MTA2: variants seen among roughly 807,000 people sequenced by gnomAD.
MTA2 encodes metastasis associated 1 family member 2.
Under a neutral mutation model 87.1 loss-of-function variants are expected in MTA2, and 22 were observed. That is an observed-to-expected ratio of 0.25 (90% CI 0.18 to 0.36). MTA2 has a LOEUF of 0.36. Ranked by LOEUF, MTA2 falls within the 10% of genes least tolerant of loss-of-function variation. The pLI, the probability that MTA2 is intolerant of heterozygous loss-of-function variation, is 1.00. For missense variants in MTA2, 542 were observed against 853.2 expected (o/e 0.64, Z 4.54); for synonymous variants, 314 against 310.1 (o/e 1.01, Z -0.13).
At position 62,595,673 on chromosome 11, in the gene MTA2, T is replaced by C; in HGVS notation, c.1254+79A>G. The C allele has an allele frequency of 6.3e-7, 1 of 1,580,340 alleles. No homozygotes were observed. Among genetic ancestry groups the C allele is most frequent in the Middle Eastern group, 1.7e-4 (1 of 5,748 alleles). ...ATCAAACCATCACCATATAAAGAGTTGAATATTCTGGCCTTCACCTAAGCT... is the reference window on the plus strand; with the variant it reads ...ATCAAACCATCACCATATAAAGAGTCGAATATTCTGGCCTTCACCTAAGCT... On this transcript the variant is annotated intron_variant, in intron 13 of 17. Transcript: ENST00000278823. The surrounding 1 kb of genome is among the most constrained non-coding windows in gnomAD (Gnocchi z 4.9).
At position 62,597,301 on chromosome 11, in the gene MTA2, C is replaced by T; in HGVS notation, c.693+15G>A. 2 of 1,583,382 alleles carry T rather than the reference C, an allele frequency of 1.3e-6. No homozygotes were observed. The highest frequency in any genetic ancestry group is 1.7e-6 in the Non-Finnish European group (2 of 1,168,298). ...AAAACCCAGCCTGCCCAACTACCCA[C>T]CAACTTCTGCTCACCAGAGTGATAT... On this transcript the variant is annotated intron_variant, in intron 8 of 17. Coordinates refer to ENST00000278823, the MANE Select transcript of MTA2 (RefSeq NM_004739.4).
rs754663405 is a variant in MTA2 at position 62,598,691 on chromosome 11, C to T, written c.191-52G>A. The T allele has an allele frequency of 6.0e-6, 9 of 1,493,946 alleles. No homozygotes were observed. In the South Asian group the frequency reaches 8.0e-5, roughly 13 times the overall value. 92.5% of individuals were successfully genotyped at this position (1,493,946 alleles called of 1,614,324 possible). A position where few individuals can be genotyped will look rare whatever the true frequency, so the allele number is the denominator to read the frequency against. On this transcript the variant is annotated intron_variant, in intron 3 of 17. Transcript: ENST00000278823. ...AGTCAGAAATGGATCCAGCAAAACA[C>T]CACCCTGGAAACTCTAACTCAGGGA...
chr11:62,601,531 C>T lies in MTA2; in HGVS notation c.-81G>A, dbSNP rs1179446457. 1.3e-6 allele frequency: 2 copies of T among 1,511,054 alleles called. No homozygotes were observed. The highest frequency in any genetic ancestry group is 1.8e-6 in the Non-Finnish European group (2 of 1,123,978). The allele number at this position is 1,511,054 out of a possible 1,614,324, so 93.6% of individuals were successfully genotyped here. A position where few individuals can be genotyped will look rare whatever the true frequency, so the allele number is the denominator to read the frequency against. On this transcript the variant is annotated 5_prime_UTR_variant, in exon 1 of 18. Transcript: ENST00000278823. ...GCAGGGCTCGGCTCGAGGCAAAGCC[C>T]CGAACGGTGGGCTGCCGCTTCGAGG...
rs1218794966 is a variant in MTA2 at position 62,596,201 on chromosome 11, AC to A, written c.1016+77del. 1.6e-5 allele frequency: 26 copies of A among 1,588,244 alleles called. No individual in the cohort carries two copies. The East Asian group carries it at 5.8e-4, about 36-fold the overall frequency. ...CTCAGTGTGCCCCTACCTCCTGCCCACCCCCAATCACTGAGGAAGGCACAAG... is the reference window on the plus strand; with the variant it reads ...CTCAGTGTGCCCCTACCTCCTGCCCACCCCAATCACTGAGGAAGGCACAAG... On this transcript the variant is annotated intron_variant, in intron 11 of 17. Transcript: ENST00000278823.
In MTA2 at chr11:62,600,186, C is replaced by G. The variant is rs1189737361; in HGVS notation, c.170G>C (p.Ser57Thr). 1.9e-6 allele frequency: 3 copies of G among 1,613,986 alleles called. No individual in the cohort carries two copies. Among genetic ancestry groups the G allele is most frequent in the African/African-American group, 2.7e-5 (2 of 74,906 alleles). ...RRRDISSSLN[S>T]LADSNAREFE... is the part of the protein sequence containing the mutation. ...CTCACTGGCATTACTATCAGCCAGG[C>G]TGTTGAGGCTACTAGAAATGTCCCT... Residue 57 changes from serine to threonine, a missense_variant, in exon 3 of 18, where the codon AGC becomes ACC. Ser to Thr is a moderately conservative substitution (Grantham distance 58). This residue lies in a region of MTA2 where 150 missense variants were observed against 243.9 expected (regional missense o/e 0.62). Transcript: ENST00000278823.
chr11:62,598,329 C>T lies in MTA2; in HGVS notation c.370G>A (p.Glu124Lys). 1 of 1,614,072 alleles carries T rather than the reference C, an allele frequency of 6.2e-7. No individual in the cohort carries two copies. Among genetic ancestry groups the T allele is most frequent in the East Asian group, 2.2e-5 (1 of 44,886 alleles). Reference protein sequence around the residue: ...TDILSQYLEKEDCFFYSLVFD... With the variant: ...TDILSQYLEKKDCFFYSLVFD... ...TTCTCTCAACATCTCTTTCTCACCTCCTTTTCCAGGTACTGGCTCAAGATA... is the reference window on the plus strand; with the variant it reads ...TTCTCTCAACATCTCTTTCTCACCTTCTTTTCCAGGTACTGGCTCAAGATA... The change falls in exon 5 of 18, where the codon GAG (glutamate) becomes AAG (lysine). Residue 124 changes from glutamate (E) to lysine (K), a missense_variant and splice_region_variant. Physicochemically the swap from Glu to Lys is moderately conservative, Grantham distance 56. Coordinates refer to ENST00000278823, the MANE Select transcript of MTA2 (RefSeq NM_004739.4).
At position 62,601,794 on chromosome 11, in the gene MTA2, G is replaced by A. The variant is rs909711133; in HGVS notation, c.-344C>T. On this transcript the variant is annotated 5_prime_UTR_variant, in exon 1 of 18. Coordinates refer to ENST00000278823, the MANE Select transcript of MTA2 (RefSeq NM_004739.4). Reference sequence around the variant, plus strand: ...TTGGGCTCTGCCGGCCGCAGGGAAGGCTTGCCGGGCCCGCCTCAGGGTTCG... The same window carrying A: ...TTGGGCTCTGCCGGCCGCAGGGAAGACTTGCCGGGCCCGCCTCAGGGTTCG... The A allele has an allele frequency of 9.9e-6, 5 of 504,004 alleles. No individual in the cohort carries two copies. Among genetic ancestry groups the A allele is most frequent in the Admixed American group, 4.1e-5 (1 of 24,210 alleles). 31.2% of individuals were successfully genotyped at this position (504,004 alleles called of 1,614,324 possible).
At chr11:62,600,116 C>G (rs373180673) in intron 3 of MTA2, 50 bp downstream of exon 3, 11 of 1,534,766 alleles carry the variant, frequency 7.2e-6, no homozygotes, top group Middle Eastern at 3.4e-4. Context: ...GGGACATGCC[C>G]AGGCCTCAGA....
chr11:62,595,099 G>A lies in MTA2; in HGVS notation c.1484-29C>T, dbSNP rs1942079794. The A allele has an allele frequency of 2.5e-6, 4 of 1,607,514 alleles. No homozygotes were observed. Among genetic ancestry groups the A allele is most frequent in the East Asian group, 2.2e-5 (1 of 44,838 alleles). ...GAGAACAAAGAAGAAAGCTTCTGAA[G>A]GGCTTCACCATTCAGGTCTCCTCTA... On this transcript the variant is annotated intron_variant, in intron 14 of 17. Coordinates refer to ENST00000278823, the MANE Select transcript of MTA2 (RefSeq NM_004739.4). This position sits in a 1 kb window ranked among gnomAD's most constrained non-coding sequence, Gnocchi z 4.9.
rs774735932 is a variant in MTA2 at position 62,595,442 on chromosome 11, A to C, written c.1305T>G (p.Ser435=). The C allele has an allele frequency of 1.4e-5, 23 of 1,614,112 alleles. No homozygotes were observed. Among genetic ancestry groups the C allele is most frequent in the Admixed American group, 3.3e-5 (2 of 60,012 alleles). ...HLSRPEAQSL[S]PYTTSANRAK... ...CCCTGTTGGCGCTGGTTGTGTAAGG[A>C]GAGAGACTTTGAGCTTCAGGTCTGG... Residue 435 remains serine (S), a synonymous_variant, in exon 14 of 18, where the codon TCT becomes TCG. Transcript: ENST00000278823. This position sits in a 1 kb window ranked among gnomAD's most constrained non-coding sequence, Gnocchi z 4.9.
intron 5 of MTA2, 31 bp downstream of exon 5, chr11:62,598,296 C>T (rs1286922478): frequency 6.2e-6 from 10 of 1,609,922 alleles, no homozygotes; most frequent in African/African-American, 1.3e-5. Context: ...TACCCATTCC[C>T]CTCGCTCTTC....
chr11:62,594,742 T>C (rs777840785), intron 15 of MTA2, 108 bp from the exon 16 acceptor site: 2 of 1,058,278 alleles, frequency 1.9e-6, no homozygotes, highest in Non-Finnish European at 2.8e-6. Flanking sequence ...TCCCCAAAAG[T>C]AGCAATGGGG....
At chr11:62,600,749 A>AGATGGGAT in intron 1 of MTA2, 60 bp from the exon 2 acceptor site, 1 of 1,503,188 alleles carries the variant, frequency 6.7e-7, no homozygotes, top group East Asian at 2.3e-5. Flanking sequence ...GACGCAGAGC[A>AGATGGGAT]CCAGGGTAGG....
rs757771803 is a variant in MTA2 at position 62,594,646 on chromosome 11, CAG to C, written c.1574-14_1574-13del. ...GGGTGCCTGGGCCACTGGAAAAAAA[CAG>C]AAAACTTTCGCACCTTTTCTTCCCA... On this transcript the variant is annotated splice_polypyrimidine_tract_variant and intron_variant, in intron 15 of 17. Coordinates refer to ENST00000278823, the MANE Select transcript of MTA2 (RefSeq NM_004739.4). 1.3e-4 allele frequency: 209 copies of C among 1,611,448 alleles called. 1 individual carries two copies. The South Asian group carries it at 2.1e-3, about 16-fold the overall frequency.
chr11:62,598,860 T>C (rs1942136165), intron 3 of MTA2, among the ~76,000 whole-genome samples: 2 of 152,316 alleles, frequency 1.3e-5, no homozygotes, highest in East Asian at 3.9e-4. Flanking sequence ...AGAGAAGAAC[T>C]GCTGAGAGTA....
Position 62,593,916 on chromosome 11 carries a change from G to A in MTA2, c.1966C>T (p.His656Tyr). 1 of 1,614,234 alleles carries A rather than the reference G, an allele frequency of 6.2e-7. No homozygotes were observed. The highest frequency in any genetic ancestry group is 8.5e-7 in the Non-Finnish European group (1 of 1,180,044). The change falls in exon 18 of 18, where the codon CAT becomes TAT. Residue 656 changes from histidine to tyrosine, a missense_variant. Physicochemically the swap from His to Tyr is moderately conservative, Grantham distance 83. This residue lies in a region of MTA2 where 269 missense variants were observed against 346.4 expected (regional missense o/e 0.78). Transcript: ENST00000278823. Reference protein sequence around the residue: ...RPPVPLPAPSHPASTNEPIVL... With the variant: ...RPPVPLPAPSYPASTNEPIVL... ...ATAGGCTCATTGGTGCTGGCAGGAT[G>A]TGAGGGTGCAGGTAGAGGGACAGGG...
At position 62,600,730 on chromosome 11, in the gene MTA2, G is replaced by A. The variant is rs745371825; in HGVS notation, c.29-41C>T. ...GGGGGGAGAACCACGAAGATCAGAG[G>A]AGATGGGAGACGCAGAGCACCAGGG... On this transcript the variant is annotated intron_variant, in intron 1 of 17. Transcript: ENST00000278823. The A allele has an allele frequency of 4.4e-6, 7 of 1,574,892 alleles. No individual in the cohort carries two copies. The Admixed American group carries it at 6.7e-5, about 15-fold the overall frequency.
chr11:62,600,938 G>T (rs1273555443), intron 1 of MTA2: 1 of 520,730 alleles, frequency 1.9e-6, no homozygotes, highest in Non-Finnish European at 3.4e-6. Context: ...AGAAGCAGGG[G>T]TTCCCCTGCA....
rs1942050936 is a variant in MTA2, at chr11:62,593,438, G to GT, written c.*436_*437insA. The GT allele has an allele frequency of 1.4e-5, 1 of 70,410 alleles. No homozygotes were observed. Among genetic ancestry groups the GT allele is most frequent in the South Asian group, 4.3e-4 (1 of 2,332 alleles). The allele number at this position is 70,410 out of a possible 1,614,324, so 4.4% of individuals were successfully genotyped here. On this transcript the variant is annotated 3_prime_UTR_variant, in exon 18 of 18. Transcript: ENST00000278823. ...GGACAGAAAGAGAAACCCCCAATTA[G>GT]GAAAAAAAAAAAAAAAAAAAAAAAA...
Sources: allele counts gnomAD v4.1 joint callset (sites outside exome capture counted in the v4.1 genomes callset), GRCh38; gene constraint gnomAD v4.1.1; regional missense constraint gnomAD v4.1.1; non-coding constraint Gnocchi (gnomAD v3.1); transcripts MANE v1.5; gene names NCBI Gene and HGNC (gene_info 2026-07-23, HGNC 2026-07-21).